Variants in GALNT1 observed in about 807,000 individuals in gnomAD.
GALNT1 encodes the protein polypeptide N-acetylgalactosaminyltransferase 1, also known as GalNAc transferase 1.
A neutral mutation model predicts 65.7 loss-of-function variants in GALNT1; 17 were observed. The ratio of observed to expected loss-of-function variants is 0.26; its 90% CI spans 0.18 to 0.39. The LOEUF is 0.39. Ranked by LOEUF, GALNT1 falls within the 10% of genes least tolerant of loss-of-function variation. The pLI, the probability that GALNT1 is intolerant of heterozygous loss-of-function variation, is 1.00. For missense variants in GALNT1, 460 were observed against 672.8 expected (o/e 0.68, Z 3.50); for synonymous variants, 210 against 219.7 (o/e 0.96, Z 0.39).
intron 1 of GALNT1, among the ~76,000 whole-genome samples, chr18:35,607,516 A>G (rs2046665625): frequency 6.6e-6 from 1 of 152,146 alleles, no homozygotes; most frequent in African/African-American, 2.4e-5. Flanking sequence ...GGCTTAGTGT[A>G]AGAGTAACTG....
Position 35,709,816 on chromosome 18 carries a change from A to G in GALNT1, c.*46A>G, listed in dbSNP as rs541224417. 2 of 1,602,570 alleles carry G rather than the reference A, an allele frequency of 1.2e-6. No homozygotes were observed. Among genetic ancestry groups the G allele is most frequent in the South Asian group, 2.2e-5 (2 of 90,186 alleles). ...GAAAAAAATAAGGATTGACTGGGCTACCTCAGCATACATTTCTGCCACATT... is the reference window on the plus strand; with the variant it reads ...GAAAAAAATAAGGATTGACTGGGCTGCCTCAGCATACATTTCTGCCACATT... On this transcript the variant is annotated 3_prime_UTR_variant, in exon 12 of 12. Coordinates refer to ENST00000269195, the MANE Select transcript of GALNT1 (RefSeq NM_020474.4).
At chr18:35,587,107 A>G (rs2046386799) in intron 1 of GALNT1, among the ~76,000 whole-genome samples, 2 of 151,940 alleles carry the variant, frequency 1.3e-5, no homozygotes, top group African/African-American at 2.4e-5. Flanking sequence ...ATTTCTTTTT[A>G]TATTTTAGTA....
At chr18:35,649,112 A>G (rs1475968647) in intron 1 of GALNT1, among the ~76,000 whole-genome samples, 1 of 152,236 alleles carries the variant, frequency 6.6e-6, no homozygotes, top group African/African-American at 2.4e-5. Flanking sequence ...GAACGGGATT[A>G]CAGATTCTTG....
At chr18:35,690,962 T>C (rs1330241635) in intron 7 of GALNT1, 50 bp from the exon 8 acceptor site, 31 of 1,456,258 alleles carry the variant, frequency 2.1e-5, no homozygotes, top group East Asian at 2.4e-5. Context: ...AAGGTGAACA[T>C]TTCCTGATTA....
intron 2 of GALNT1, 109 bp from the exon 3 acceptor site, chr18:35,663,518 AG>A: frequency 8.9e-7 from 1 of 1,125,588 alleles, no homozygotes; most frequent in Non-Finnish European, 1.3e-6. Flanking sequence ...GGGCTCAGAA[AG>A]GGTTCTGGTT....
chr18:35,658,198 G>C (rs1448184033), intron 2 of GALNT1, among the ~76,000 whole-genome samples: 1 of 152,236 alleles, frequency 6.6e-6, no homozygotes, highest in East Asian at 1.9e-4. Context: ...CCCAGAAACA[G>C]TTGTGAGGTT....
intron 9 of GALNT1, among the ~76,000 whole-genome samples, chr18:35,694,354 T>G (rs2048019033): frequency 6.6e-6 from 1 of 151,836 alleles, no homozygotes; most frequent in Non-Finnish European, 1.5e-5. Context: ...AAAGAGAAAA[T>G]TTAAAGATGC....
At chr18:35,666,640 C>G (rs1301770342) in intron 3 of GALNT1, among the ~76,000 whole-genome samples, 1 of 152,106 alleles carries the variant, frequency 6.6e-6, no homozygotes, top group African/African-American at 2.4e-5. Flanking sequence ...TTTGAAGATA[C>G]TTTTATTAAT....
chr18:35,592,572 A>C (rs2046458308), intron 1 of GALNT1, among the ~76,000 whole-genome samples: 1 of 152,094 alleles, frequency 6.6e-6, no homozygotes, highest in African/African-American at 2.4e-5. Flanking sequence ...CTGATGCAAG[A>C]CCTCATTCTC....
At chr18:35,647,518 T>TG (rs11396738) in intron 1 of GALNT1, among the ~76,000 whole-genome samples, 1 of 152,112 alleles carries the variant, frequency 6.6e-6, no homozygotes, top group African/African-American at 2.4e-5. Flanking sequence ...ATCTAGGCTC[T>TG]TTTATTTGTA....
At chr18:35,682,682 G>C (rs1181268572) in intron 4 of GALNT1, among the ~76,000 whole-genome samples, 1 of 152,050 alleles carries the variant, frequency 6.6e-6, no homozygotes, top group African/African-American at 2.4e-5. Flanking sequence ...GTCCTGAGGA[G>C]CATAACCTCT....
chr18:35,663,204 T>C (rs529515047), intron 2 of GALNT1, among the ~76,000 whole-genome samples: 2 of 152,116 alleles, frequency 1.3e-5, no homozygotes, highest in African/African-American at 4.8e-5. Flanking sequence ...AGGAAGGCAG[T>C]GGGTGGCTGT....
chr18:35,695,607 AC>A (rs2048042843), intron 9 of GALNT1, among the ~76,000 whole-genome samples: 2 of 152,218 alleles, frequency 1.3e-5, no homozygotes, highest in African/African-American at 2.4e-5. Flanking sequence ...CAGGGCAGGC[AC>A]AGACTTACGC....
chr18:35,690,213 CT>C (rs142244975), intron 7 of GALNT1, among the ~76,000 whole-genome samples: 2 of 152,032 alleles, frequency 1.3e-5, no homozygotes, highest in African/African-American at 4.8e-5. Context: ...TCTTCTGCCC[CT>C]TTTTTTGTTT....
intron 1 of GALNT1, among the ~76,000 whole-genome samples, chr18:35,593,058 G>A (rs1450216561): frequency 1.3e-5 from 2 of 152,178 alleles, no homozygotes; most frequent in African/African-American, 2.4e-5. Context: ...GACGTGGGAG[G>A]CTGTGGGCAG....
chr18:35,702,046 C>CTGAG (rs2048173782), intron 9 of GALNT1, among the ~76,000 whole-genome samples: 1 of 152,158 alleles, frequency 6.6e-6, no homozygotes, highest in African/African-American at 2.4e-5. Context: ...GTATTTAAAC[C>CTGAG]TGAGTCTTCT....
At chr18:35,629,709 C>T (rs2046977692) in intron 1 of GALNT1, among the ~76,000 whole-genome samples, 1 of 152,196 alleles carries the variant, frequency 6.6e-6, no homozygotes, top group African/African-American at 2.4e-5. Flanking sequence ...CAAATTCACA[C>T]ATAACAATAT....
At chr18:35,684,904 G>A (rs556119513) in intron 5 of GALNT1, among the ~76,000 whole-genome samples, 1 of 152,286 alleles carries the variant, frequency 6.6e-6, no homozygotes, top group South Asian at 2.1e-4. Context: ...AAGGTTAATA[G>A]CAAACACCTG....
At chr18:35,640,626 TAGCCAAG>T (rs1367594406) in intron 1 of GALNT1, among the ~76,000 whole-genome samples, 1 of 152,132 alleles carries the variant, frequency 6.6e-6, no homozygotes, top group African/African-American at 2.4e-5. Flanking sequence ...AGGTCAGGAG[TAGCCAAG>T]ACACTCCTCT....
Sources: gnomAD v4.1 joint callset for allele counts (sites outside exome capture counted in the v4.1 genomes callset) on GRCh38, gnomAD v4.1.1 for gene constraint, MANE v1.5 for transcripts, NCBI Gene and HGNC (gene_info 2026-07-23, HGNC 2026-07-21) for gene names.